Variants in PCDHA8 observed in about 807,000 individuals in gnomAD.
PCDHA8 encodes protocadherin alpha 8.
Under a neutral mutation model 61.8 loss-of-function variants are expected in PCDHA8, and 53 were observed. That is an observed-to-expected ratio of 0.86 (90% CI 0.69 to 1.08). PCDHA8 has a LOEUF of 1.08. Among genes scored for constraint, PCDHA8 ranks in the 50% least tolerant of loss-of-function variants. PCDHA8 has a pLI of 0.00. For missense variants in PCDHA8, 1,293 were observed against 1,245.0 expected, an observed-to-expected ratio of 1.04 and a Z score of -0.58; for synonymous variants, 618 against 556.6, an observed-to-expected ratio of 1.11 and a Z score of -1.55.
intron 1 of PCDHA8, chr5:140,967,330 C>G: frequency 6.2e-7 from 1 of 1,608,074 alleles, no homozygotes; most frequent in South Asian, 1.1e-5. Context: ...ACGAGCTCAG[C>G]CCCAGCGAGC....
At position 140,967,719 on chromosome 5, in the gene PCDHA8, G is replaced by A. The variant is rs1422649398; in HGVS notation, c.2395-11230G>A. On this transcript the variant is annotated intron_variant, in intron 1 of 3. Coordinates refer to ENST00000531613, the MANE Select transcript of PCDHA8 (RefSeq NM_018911.3). ...ATAGATGCCAGTACCGGGGAAGTGC[G>A]AGTAATTGGGGGGCTGGATTATGAG... 3 of 1,614,052 alleles carry A rather than the reference G, an allele frequency of 1.9e-6. No individual in the cohort carries two copies. In the African/African-American group the frequency reaches 4.0e-5, roughly 22 times the overall value.
rs79336587 is a variant in PCDHA8 at position 140,997,550 on chromosome 5, C to T, written c.2543-12077C>T. Reference sequence around the variant, plus strand: ...ATAAAAATACATTATTATAATCTTACAGGACAACTGTCATATGTGTGGTCC... The same window carrying T: ...ATAAAAATACATTATTATAATCTTATAGGACAACTGTCATATGTGTGGTCC... On this transcript the variant is annotated intron_variant, in intron 3 of 3. Coordinates refer to ENST00000531613, the MANE Select transcript of PCDHA8 (RefSeq NM_018911.3). Among the ~76,000 whole-genome samples, 1,283 of 152,208 alleles carry T rather than the reference C, an allele frequency of 8.4e-3. 21 individuals carry two copies. The highest frequency in any genetic ancestry group is 0.029 in the African/African-American group (1,211 of 41,522).
At chr5:140,878,098 A>C in intron 1 of PCDHA8, 1 of 278,310 alleles carries the variant, frequency 3.6e-6, no homozygotes, top group Non-Finnish European at 6.4e-6. Flanking sequence ...TGACTGATGA[A>C]CCTTGAAAAA....
At position 141,011,145 on chromosome 5, in the gene PCDHA8, TCTC is replaced by T. The variant is rs1410974061; in HGVS notation, c.*1209_*1211del. The T allele has an allele frequency of 6.5e-6, 1 of 153,734 alleles. No individual in the cohort carries two copies. Among genetic ancestry groups the T allele is most frequent in the Non-Finnish European group, 1.5e-5 (1 of 68,036 alleles). 9.5% of individuals were successfully genotyped at this position (153,734 alleles called of 1,614,324 possible). A position where few individuals can be genotyped will look rare whatever the true frequency, so the allele number is the denominator to read the frequency against. On this transcript the variant is annotated 3_prime_UTR_variant, in exon 4 of 4. Transcript: ENST00000531613. Reference sequence around the variant, plus strand: ...TTATGTGCACTTTGATACACAACCTTCTCTAACCAACTATATATCAAGACCCAA... The same window carrying T: ...TTATGTGCACTTTGATACACAACCTTTAACCAACTATATATCAAGACCCAA...
At chr5:140,883,416 G>A (rs782422692) in intron 1 of PCDHA8, 3 of 1,614,158 alleles carry the variant, frequency 1.9e-6, no homozygotes, top group East Asian at 2.2e-5. Context: ...GGCTCAAATG[G>A]ACAGGTCACC....
intron 1 of PCDHA8, chr5:140,855,785 A>G (rs2043622079): frequency 4.7e-6 from 2 of 426,874 alleles, no homozygotes; most frequent in Non-Finnish European, 4.2e-6. Context: ...ACGTAAAAAA[A>G]GAATTAACAT....
rs1554138026 is a variant in PCDHA8, at chr5:140,841,198, C to T, written c.-124C>T. 1 of 1,281,234 alleles carries T rather than the reference C, an allele frequency of 7.8e-7. No individual in the cohort carries two copies. Among genetic ancestry groups the T allele is most frequent in the African/African-American group, 1.5e-5 (1 of 66,478 alleles). The allele number at this position is 1,281,234 out of a possible 1,614,324, so 79.4% of individuals were successfully genotyped here. ...TCAATGTTCAAAGTCTTTTCTCTGA[C>T]AGCATCTGTCTCTAAAGGCCGAACA... On this transcript the variant is annotated 5_prime_UTR_variant, in exon 1 of 4. Coordinates refer to ENST00000531613, the MANE Select transcript of PCDHA8 (RefSeq NM_018911.3).
intron 2 of PCDHA8, 35 bp downstream of exon 2, chr5:140,979,042 C>T (rs782163702): frequency 6.2e-7 from 1 of 1,612,562 alleles, no homozygotes; most frequent in African/African-American, 1.3e-5. Context: ...TCAGAAGTAA[C>T]CTTAACTTGG....
At chr5:140,879,375 C>T (rs2057967921) in intron 1 of PCDHA8, among the ~76,000 whole-genome samples, 1 of 152,076 alleles carries the variant, frequency 6.6e-6, no homozygotes, top group Non-Finnish European at 1.5e-5. Context: ...ACCTGCAGAA[C>T]AAGGTTGGAG....
rs567371259 is a variant in PCDHA8, at chr5:140,910,950, G to A, written c.2394+67235G>A. ...TAAGAAAGCTCAAGCAGTTCTTTTC[G>A]AGTGTAGCACACCTCCTCATGGGTT... On this transcript the variant is annotated intron_variant, in intron 1 of 3. Coordinates refer to ENST00000531613, the MANE Select transcript of PCDHA8 (RefSeq NM_018911.3). Among the ~76,000 whole-genome samples, 203 of 152,092 alleles carry A rather than the reference G, an allele frequency of 1.3e-3. 1 individual carries two copies. Among genetic ancestry groups the A allele is most frequent in the Non-Finnish European group, 2.4e-3 (165 of 68,000 alleles).
chr5:140,874,018 G>A (rs1033387450), intron 1 of PCDHA8, among the ~76,000 whole-genome samples: 2 of 152,114 alleles, frequency 1.3e-5, no homozygotes, highest in Admixed American at 1.3e-4. Context: ...TTTTGAAAAT[G>A]AAAAATAGGA....
At position 140,885,311 on chromosome 5, in the gene PCDHA8, T is replaced by C. The variant is rs3776122; in HGVS notation, c.2394+41596T>C. On this transcript the variant is annotated intron_variant, in intron 1 of 3. Transcript: ENST00000531613. Reference sequence around the variant, plus strand: ...AGAGAGAGACCTGGTAGGCTTTTTGTTATTATTTCTTTTCCAAAGTTTGAA... The same window carrying C: ...AGAGAGAGACCTGGTAGGCTTTTTGCTATTATTTCTTTTCCAAAGTTTGAA... Among the ~76,000 whole-genome samples, 52 of 152,304 alleles carry C rather than the reference T, an allele frequency of 3.4e-4. No individual in the cohort carries two copies. In the East Asian group the frequency reaches 7.5e-3, roughly 22 times the overall value.
intron 1 of PCDHA8, chr5:140,849,157 A>T: frequency 8.3e-7 from 1 of 1,209,676 alleles, no homozygotes; most frequent in Non-Finnish European, 1.1e-6. Flanking sequence ...GGCAAACCCG[A>T]GCTGACTGGC....
chr5:140,916,819 C>T (rs2077741305), intron 1 of PCDHA8, among the ~76,000 whole-genome samples: 1 of 152,084 alleles, frequency 6.6e-6, no homozygotes, highest in Non-Finnish European at 1.5e-5. Context: ...CATGTGCCAC[C>T]CCTATCCCTC....
chr5:140,878,474 C>A (rs1227598146), intron 1 of PCDHA8, among the ~76,000 whole-genome samples: 1 of 152,134 alleles, frequency 6.6e-6, no homozygotes, highest in Non-Finnish European at 1.5e-5. Flanking sequence ...AATCATTTCT[C>A]AATTTAAAAA....
At chr5:141,002,342 C>A (rs1047277199) in intron 3 of PCDHA8, among the ~76,000 whole-genome samples, 3 of 152,070 alleles carry the variant, frequency 2.0e-5, no homozygotes, top group African/African-American at 4.8e-5. Flanking sequence ...CGCACCCCTT[C>A]CCCCACCTCC....
intron 1 of PCDHA8, chr5:140,875,866 G>T: frequency 6.2e-7 from 1 of 1,614,192 alleles, no homozygotes; most frequent in Non-Finnish European, 8.5e-7. Context: ...CAACCCGCCG[G>T]TGTTCAGAGA....
In PCDHA8 at chr5:140,841,789, C is replaced by A. The variant is rs2150322679; in HGVS notation, c.468C>A (p.Gly156=). The A allele has an allele frequency of 1.2e-5, 20 of 1,613,730 alleles. No homozygotes were observed. Among genetic ancestry groups the A allele is most frequent in the Non-Finnish European group, 1.6e-5 (19 of 1,179,854 alleles). The change falls in exon 1 of 4, where the codon GGC becomes GGA. Residue 156 remains glycine, a synonymous_variant. Transcript: ENST00000531613. ...CAGACTCTCGGTTTCCGCTAGAGGG[C>A]GCGTCCGATGCAGATGTTGGAGCTA... The part of the protein sequence containing the change: ...RMPDSRFPLE[G]ASDADVGANS...
chr5:140,909,550 A>C (rs549281873), intron 1 of PCDHA8, among the ~76,000 whole-genome samples: 2 of 152,232 alleles, frequency 1.3e-5, no homozygotes, highest in East Asian at 3.9e-4. Context: ...GGTGGCACTA[A>C]TCTCTGCAAC....
Sources: allele counts gnomAD v4.1 joint callset (sites outside exome capture counted in the v4.1 genomes callset), GRCh38; gene constraint gnomAD v4.1.1; transcripts MANE v1.5; gene names NCBI Gene and HGNC (gene_info 2026-07-23, HGNC 2026-07-21).